Variants in TRPM3 observed in about 807,000 individuals in gnomAD.
TRPM3 encodes long transient receptor potential channel 3.
Under a neutral mutation model 181.2 loss-of-function variants are expected in TRPM3, and 77 were observed. That is an observed-to-expected ratio of 0.42 (90% CI 0.35 to 0.51). The LOEUF (loss-of-function observed/expected upper bound fraction) is 0.51. Among genes scored for constraint, TRPM3 ranks in the 20% least tolerant of loss-of-function variants. The pLI is 0.01. For missense variants in TRPM3, 1,759 were observed against 2,196.7 expected (o/e 0.80, Z 3.98); for synonymous variants, 745 against 796.4 (o/e 0.94, Z 1.09).
chr9:70,673,533 T>C lies in TRPM3; in HGVS notation c.1345+7973A>G, dbSNP rs555688465. On this transcript the variant is annotated intron_variant, in intron 9 of 25. Coordinates refer to ENST00000677713, the MANE Select transcript of TRPM3 (RefSeq NM_001366145.2). ...CAGTTTACCAACCCACACAGTAATG[T>C]CCTAGGCACTTTTATGTCTAAAATA... Among the ~76,000 whole-genome samples, 3 of 152,316 alleles carry C rather than the reference T, an allele frequency of 2.0e-5. No individual in the cohort carries two copies. In the South Asian group the frequency reaches 6.2e-4, roughly 32 times the overall value.
intron 1 of TRPM3, among the ~76,000 whole-genome samples, chr9:71,211,972 G>A (rs576762237): frequency 1.3e-5 from 2 of 152,242 alleles, no homozygotes; most frequent in African/African-American, 4.8e-5. Flanking sequence ...GTAAATCATA[G>A]ATCTTCAACT....
intron 1 of TRPM3, among the ~76,000 whole-genome samples, chr9:71,322,439 T>C (rs2089311832): frequency 6.6e-6 from 1 of 152,158 alleles, no homozygotes; most frequent in South Asian, 2.1e-4. Flanking sequence ...TCTTTATATC[T>C]AACTAGCAAT....
intron 1 of TRPM3, among the ~76,000 whole-genome samples, chr9:71,358,018 T>C (rs1451341476): frequency 2.0e-5 from 3 of 152,060 alleles, no homozygotes; most frequent in Non-Finnish European, 4.4e-5. Flanking sequence ...AGTGTAGAAA[T>C]GAGTGAACAA....
Position 70,987,043 on chromosome 9 carries a change from AATTTAC to A in TRPM3, c.178-122538_178-122533del, listed in dbSNP as rs528935131. 4.0e-5 allele frequency among the ~76,000 whole-genome samples: 6 copies of A among 151,830 alleles called. No individual in the cohort carries two copies. In the East Asian group the frequency reaches 1.2e-3, roughly 29 times the overall value. ...TTTTTCATTTTACTTGATTTTAATTAATTTACATTTACATTTAAAGTAAACATATTC... is the reference window on the plus strand; with the variant it reads ...TTTTTCATTTTACTTGATTTTAATTAATTTACATTTAAAGTAAACATATTC... On this transcript the variant is annotated intron_variant, in intron 1 of 25. Coordinates refer to ENST00000677713, the MANE Select transcript of TRPM3 (RefSeq NM_001366145.2).
At chr9:71,299,951 G>C (rs2086627288) in intron 1 of TRPM3, among the ~76,000 whole-genome samples, 1 of 152,132 alleles carries the variant, frequency 6.6e-6, no homozygotes, top group Admixed American at 6.6e-5. Flanking sequence ...ACATTTAATA[G>C]TGGAGGTCTT....
chr9:70,997,084 C>T (rs1015576363), intron 1 of TRPM3, among the ~76,000 whole-genome samples: 1 of 152,110 alleles, frequency 6.6e-6, no homozygotes, highest in Non-Finnish European at 1.5e-5. Flanking sequence ...CCTAGATGGA[C>T]GATATATTTC....
intron 1 of TRPM3, among the ~76,000 whole-genome samples, chr9:71,368,602 GC>G (rs1171250642): frequency 3.3e-5 from 5 of 152,236 alleles, no homozygotes; most frequent in African/African-American, 1.2e-4. Flanking sequence ...ATTTTATAAT[GC>G]TTTTTTAATA....
intron 1 of TRPM3, among the ~76,000 whole-genome samples, chr9:71,424,686 TCAC>T (rs2093832787): frequency 6.6e-6 from 1 of 152,162 alleles, no homozygotes; most frequent in Non-Finnish European, 1.5e-5. Flanking sequence ...TCCCTGTCTT[TCAC>T]CATCATTCTC....
chr9:70,810,466 T>C (rs965842714), intron 6 of TRPM3, among the ~76,000 whole-genome samples: 17 of 151,928 alleles, frequency 1.1e-4, no homozygotes, highest in African/African-American at 3.4e-4. Context: ...ATCCCCACGC[T>C]CCTCTCCAGC....
At position 70,758,741 on chromosome 9, in the gene TRPM3, T is replaced by C. The variant is rs559663786; in HGVS notation, c.1272+2860A>G. 2.4e-3 allele frequency among the ~76,000 whole-genome samples: 359 copies of C among 152,360 alleles called. 2 individuals are homozygous for C. Among genetic ancestry groups the C allele is most frequent in the African/African-American group, 8.3e-3 (345 of 41,584 alleles). On this transcript the variant is annotated intron_variant, in intron 8 of 25. Transcript: ENST00000677713. ...AACAAGCAATGGGGAAAGGATTCCC[T>C]ATTTAATAAATGGTGTTGGGAAAAC...
At chr9:70,795,503 G>A (rs981062674) in intron 6 of TRPM3, among the ~76,000 whole-genome samples, 3 of 152,168 alleles carry the variant, frequency 2.0e-5, no homozygotes, top group Non-Finnish European at 4.4e-5. Context: ...CCTCTCCAAA[G>A]TTTGAATACC....
At chr9:70,966,343 C>T (rs1334670850) in intron 1 of TRPM3, among the ~76,000 whole-genome samples, 2 of 152,042 alleles carry the variant, frequency 1.3e-5, no homozygotes, top group Admixed American at 6.6e-5. Context: ...GGCAATTCCT[C>T]AAAGACTTAG....
At chr9:71,402,871 G>A (rs2093367376) in intron 1 of TRPM3, among the ~76,000 whole-genome samples, 1 of 151,992 alleles carries the variant, frequency 6.6e-6, no homozygotes. Context: ...AATTGAATCA[G>A]AGCCAGTGCA....
intron 9 of TRPM3, among the ~76,000 whole-genome samples, chr9:70,680,758 A>G (rs912935024): frequency 6.6e-6 from 1 of 152,206 alleles, no homozygotes; most frequent in Non-Finnish European, 1.5e-5. Flanking sequence ...AACAGGAGAA[A>G]CTTCCTTCTG....
intron 1 of TRPM3, among the ~76,000 whole-genome samples, chr9:70,888,134 C>T (rs534867875): frequency 2.6e-5 from 4 of 152,202 alleles, no homozygotes; most frequent in South Asian, 4.1e-4. Flanking sequence ...TCCATAGAAC[C>T]AAGAAGGCGT....
chr9:70,571,509 C>T (rs2052362344), intron 22 of TRPM3, among the ~76,000 whole-genome samples: 1 of 152,066 alleles, frequency 6.6e-6, no homozygotes, highest in Non-Finnish European at 1.5e-5. Flanking sequence ...ATAGTTGTAC[C>T]TCTTAGGCAA....
At chr9:70,856,456 G>A (rs540490000) in intron 3 of TRPM3, among the ~76,000 whole-genome samples, 1 of 152,318 alleles carries the variant, frequency 6.6e-6, no homozygotes, top group Admixed American at 6.5e-5. Context: ...CTTGGTGTGT[G>A]CCAATCAGTG....
rs187240280 is a variant in TRPM3 at position 70,600,784 on chromosome 9, G to C, written c.2797-2114C>G. ...AGCAAAAATCCGTGTATGTAGCTGG[G>C]AGAGGGGGTTGATGGGCAATGCCTT... is the stretch of plus-strand genomic sequence containing the variant. On this transcript the variant is annotated intron_variant, in intron 20 of 25. Transcript: ENST00000677713. 3.2e-3 allele frequency among the ~76,000 whole-genome samples: 481 copies of C among 152,334 alleles called. 3 individuals carry two copies. Among genetic ancestry groups the C allele is most frequent in the Middle Eastern group, 6.8e-3 (2 of 294 alleles).
chr9:71,406,790 A>G (rs114954713), intron 1 of TRPM3, among the ~76,000 whole-genome samples: 27 of 152,262 alleles, frequency 1.8e-4, no homozygotes, highest in African/African-American at 6.0e-4. Flanking sequence ...AGTGGAAGTG[A>G]CAGTATTGCT....
Sources: allele counts gnomAD v4.1 joint callset (sites outside exome capture counted in the v4.1 genomes callset), GRCh38; gene constraint gnomAD v4.1.1; transcripts MANE v1.5; gene names NCBI Gene and HGNC (gene_info 2026-07-23, HGNC 2026-07-21).